The following FKBP5 variants were observed in gnomAD, a reference collection of about 807,000 sequenced individuals.
FKBP5 encodes peptidyl-prolyl cis-trans isomerase FKBP5.
In FKBP5, 23 loss-of-function variants were observed where a neutral mutation model predicts 50.5. That is an observed-to-expected ratio of 0.46 (90% CI 0.33 to 0.65). FKBP5 has a LOEUF of 0.65. FKBP5 is among the 30% of genes least tolerant of loss of function. The pLI is 0.02. For synonymous variants in FKBP5, 176 were observed against 190.6 expected, an observed-to-expected ratio of 0.92 and a Z score of 0.63; for missense variants, 411 against 553.1, an observed-to-expected ratio of 0.74 and a Z score of 2.58.
rs1384642626 is a variant in FKBP5, at chr6:35,575,846, C to T, written c.1363G>A (p.Gly455Ser). Residue 455 changes from glycine (G) to serine (S), a missense_variant, in exon 11 of 11, where the codon GGC becomes AGC. By Grantham distance (56) the Gly-to-Ser change is moderately conservative (BLOSUM62 0). Transcript: ENST00000357266. ...TCCTTGGCGTGGCGTCATACGTGGC[C>T]CTCAGGTTTCTCTTCTTCCATTGCT... ...SQAMEEEKPE[G>S]HV 3 of 1,612,502 alleles carry T rather than the reference C, an allele frequency of 1.9e-6. No individual in the cohort carries two copies. The Admixed American group carries it at 5.0e-5, about 27-fold the overall frequency.
intron 8 of FKBP5, chr6:35,584,184 G>A: frequency 4.1e-6 from 4 of 985,418 alleles, no homozygotes; most frequent in Non-Finnish European, 4.8e-6. Flanking sequence ...TTAATATTAT[G>A]CTGTTACCTG....
chr6:35,597,315 T>C lies in FKBP5; in HGVS notation c.598A>G (p.Ile200Val), dbSNP rs61753296. The change falls in exon 6 of 11, where the codon ATT becomes GTT. Residue 200 changes from isoleucine (I) to valine (V), a missense_variant. Ile to Val is a conservative substitution (Grantham distance 29). This residue lies in a region of FKBP5 where 267 missense variants were observed against 405.9 expected (regional missense o/e 0.66). Transcript: ENST00000357266. The stretch of plus-strand genomic sequence containing the variant: ...TTCTCCAGAGCTTTGTCAATTCCAA[T>C]TGGAATGTCGTGGTCTTCTCCTTCG... ...VGEGEDHDIP[I>V]GIDKALEKMQ... The C allele has an allele frequency of 4.8e-5, 78 of 1,614,076 alleles. No homozygotes were observed. The highest frequency in any genetic ancestry group is 6.1e-5 in the Non-Finnish European group (72 of 1,180,028).
At chr6:35,711,436 G>A (rs1168520082) in intron 2 of FKBP5, among the ~76,000 whole-genome samples, 1 of 152,040 alleles carries the variant, frequency 6.6e-6, no homozygotes, top group African/African-American at 2.4e-5. Context: ...TGGCCAACAT[G>A]GTGAAACCCT....
At chr6:35,615,173 C>T (rs965663159) in intron 5 of FKBP5, among the ~76,000 whole-genome samples, 38 of 151,308 alleles carry the variant, frequency 2.5e-4, no homozygotes, top group African/African-American at 9.0e-4. Context: ...CACACACACA[C>T]ACACACACAC....
intron 7 of FKBP5, among the ~76,000 whole-genome samples, chr6:35,590,005 G>A (rs1762762843): frequency 6.6e-6 from 1 of 152,114 alleles, no homozygotes; most frequent in Non-Finnish European, 1.5e-5. Flanking sequence ...TTATATTAAT[G>A]TGCTTAATGT....
intron 5 of FKBP5, among the ~76,000 whole-genome samples, chr6:35,616,917 C>G (rs1763677837): frequency 6.6e-6 from 1 of 151,670 alleles, no homozygotes; most frequent in Non-Finnish European, 1.5e-5. Context: ...ATCATTCCTA[C>G]AACTTTTGTA....
In FKBP5 at chr6:35,639,546, G is replaced by A. The variant is rs115214997; in HGVS notation, c.106-2388C>T. On this transcript the variant is annotated intron_variant, in intron 2 of 10. Coordinates refer to ENST00000357266, the MANE Select transcript of FKBP5 (RefSeq NM_004117.4). ...GATGAAAGGGTAAGTCGTAAACAGA[G>A]GCAGGGAGATGCTGAGGACAGCCTG... Among the ~76,000 whole-genome samples, 1,116 of 152,272 alleles carry A rather than the reference G, an allele frequency of 7.3e-3. 12 individuals are homozygous for A. Among genetic ancestry groups the A allele is most frequent in the African/African-American group, 0.023 (966 of 41,548 alleles).
chr6:35,620,394 G>T (rs984019087), intron 3 of FKBP5, 120 bp from the exon 4 acceptor site: 90 of 969,822 alleles, frequency 9.3e-5, no homozygotes, highest in African/African-American at 1.7e-4. Flanking sequence ...GAAAGTATGG[G>T]CTACAAGATG....
At chr6:35,705,929 G>A (rs994635418) in intron 2 of FKBP5, among the ~76,000 whole-genome samples, 2 of 152,184 alleles carry the variant, frequency 1.3e-5, no homozygotes, top group African/African-American at 4.8e-5. Flanking sequence ...TGCCAACATG[G>A]CACAACCCCG....
chr6:35,575,506 T>G lies in FKBP5; in HGVS notation c.*329A>C. ...AAAGGTAAAACCTAACAGCCCCACATTGTTAGGATGATCTCCAGGGACCCT... is the reference window on the plus strand; with the variant it reads ...AAAGGTAAAACCTAACAGCCCCACAGTGTTAGGATGATCTCCAGGGACCCT... On this transcript the variant is annotated 3_prime_UTR_variant, in exon 11 of 11. Coordinates refer to ENST00000357266, the MANE Select transcript of FKBP5 (RefSeq NM_004117.4). The G allele has an allele frequency of 2.0e-5, 5 of 251,450 alleles. No homozygotes were observed. Among genetic ancestry groups the G allele is most frequent in the East Asian group, 7.6e-5 (1 of 13,162 alleles). The allele number at this position is 251,450 out of a possible 1,614,324, so 15.6% of individuals were successfully genotyped here.
At chr6:35,658,054 C>A (rs1765001086) in intron 1 of FKBP5, among the ~76,000 whole-genome samples, 1 of 145,518 alleles carries the variant, frequency 6.9e-6, no homozygotes, top group Non-Finnish European at 1.5e-5. Flanking sequence ...CATGGTGAAA[C>A]CCTGTTTCTA....
At chr6:35,617,321 CTTTT>C (rs995437172) in intron 5 of FKBP5, among the ~76,000 whole-genome samples, 35 of 145,982 alleles carry the variant, frequency 2.4e-4, no homozygotes, top group African/African-American at 7.3e-4. Flanking sequence ...GAACTCTTTA[CTTTT>C]TTTTTTTAAG....
chr6:35,625,109 G>A (rs896905185), intron 3 of FKBP5, among the ~76,000 whole-genome samples: 4 of 152,172 alleles, frequency 2.6e-5, no homozygotes, highest in East Asian at 1.9e-4. Context: ...TTTGAGACAC[G>A]GTCTCACTTT....
intron 6 of FKBP5, among the ~76,000 whole-genome samples, chr6:35,596,333 G>A (rs993611026): frequency 1.3e-5 from 2 of 152,058 alleles, no homozygotes; most frequent in Admixed American, 1.3e-4. Flanking sequence ...TAGCCTGGGT[G>A]GCAGAGCAAG....
At chr6:35,708,409 G>A (rs952183488) in intron 2 of FKBP5, among the ~76,000 whole-genome samples, 4 of 152,000 alleles carry the variant, frequency 2.6e-5, no homozygotes, top group Admixed American at 1.3e-4. Flanking sequence ...GCACCACCAC[G>A]CCTGGGTAAT....
rs138928642 is a variant in FKBP5 at position 35,717,971 on chromosome 6, C to T, written c.-20+2357G>A. ...GTAGGGCGGGAGGAATAAGTCCCTT[C>T]GATTCCTCCAACGGTGGCTGGCAAA... On this transcript the variant is annotated intron_variant, in intron 2 of 11. Coordinates refer to the FKBP5 transcript ENST00000536438. Among the ~76,000 whole-genome samples the T allele has an allele frequency of 8.9e-3, 1,354 of 152,164 alleles. 21 individuals are homozygous for T. The highest frequency in any genetic ancestry group is 0.028 in the African/African-American group (1,181 of 41,486).
intron 1 of FKBP5, among the ~76,000 whole-genome samples, chr6:35,645,611 CTATA>C (rs1365282257): frequency 1.3e-5 from 2 of 152,124 alleles, no homozygotes; most frequent in African/African-American, 4.8e-5. Flanking sequence ...CTTATTACTA[CTATA>C]TGTCAGCCTT....
intron 1 of FKBP5, among the ~76,000 whole-genome samples, chr6:35,644,518 T>C (rs1764577371): frequency 6.6e-6 from 1 of 152,194 alleles, no homozygotes; most frequent in African/African-American, 2.4e-5. Context: ...CCCCAAAATC[T>C]TCAAATGAGA....
chr6:35,678,309 AG>A (rs1765577972), intron 1 of FKBP5, among the ~76,000 whole-genome samples: 1 of 152,184 alleles, frequency 6.6e-6, no homozygotes, highest in Non-Finnish European at 1.5e-5. Flanking sequence ...TTTCATTTCA[AG>A]ACATAGACGA....
Sources: gnomAD v4.1 joint callset for allele counts (sites outside exome capture counted in the v4.1 genomes callset) on GRCh38, gnomAD v4.1.1 for gene constraint, gnomAD v4.1.1 regional missense constraint, MANE v1.5 for transcripts, NCBI Gene and HGNC (gene_info 2026-07-23, HGNC 2026-07-21) for gene names.